DLAT: variants seen among roughly 807,000 people sequenced by gnomAD.
DLAT encodes dihydrolipoamide S-acetyltransferase.
In DLAT, 43 loss-of-function variants were observed where a neutral mutation model predicts 68.0. The ratio of observed to expected loss-of-function variants is 0.63; its 90% confidence interval spans 0.50 to 0.81. The LOEUF (loss-of-function observed/expected upper bound fraction) is 0.81, where lower values mean the gene tolerates loss of function less well. DLAT is among the 40% of genes least tolerant of loss of function. DLAT has a pLI of 0.00. For synonymous variants in DLAT, 265 were observed against 288.6 expected (o/e 0.92, Z 0.83); for missense variants, 745 against 815.4 (o/e 0.91, Z 1.05).
rs1257020998 is a variant in DLAT at position 112,048,282 on chromosome 11, C to A, written c.1398+2312C>A. Among the ~76,000 whole-genome samples the A allele has an allele frequency of 8.6e-5, 13 of 151,980 alleles. 1 individual carries two copies. On this transcript the variant is annotated intron_variant, in intron 10 of 13. Transcript: ENST00000280346. ...TGGCTCTCTGTTTGTCTGTTATTGG[C>A]GTGTAGGAATGCTTGTGATTTTTGC...
At position 112,026,326 on chromosome 11, in the gene DLAT, A is replaced by T. The variant is rs1974426; in HGVS notation, c.381+27A>T. 479,287 of 1,176,588 alleles carry T rather than the reference A, an allele frequency of 0.41. 98,201 individuals are homozygous for T. The highest frequency in any genetic ancestry group is 0.57 in the East Asian group (19,806 of 34,974). The allele number at this position is 1,176,588 out of a possible 1,614,324, so 72.9% of individuals were successfully genotyped here. A position where few individuals can be genotyped will look rare whatever the true frequency, so the allele number is the denominator to read the frequency against. The stretch of plus-strand genomic sequence containing the variant: ...TAAGTTTTTTTTTTTTTTTTTAATT[A>T]ATTTATTTATTTTTTTTATTGATCA... On this transcript the variant is annotated intron_variant, in intron 2 of 13. Coordinates refer to ENST00000280346, the MANE Select transcript of DLAT (RefSeq NM_001931.5).
chr11:112,058,465 A>G lies in DLAT; in HGVS notation c.1515-1438A>G, dbSNP rs1277331573. On this transcript the variant is annotated intron_variant, in intron 11 of 13. Coordinates refer to ENST00000280346, the MANE Select transcript of DLAT (RefSeq NM_001931.5). ...GGAGCTTGTGCCTAGAAAGAGCTGGAGTTCTTTGGAGGCAGAGCTGTGCCT... is the reference window on the plus strand; with the variant it reads ...GGAGCTTGTGCCTAGAAAGAGCTGGGGTTCTTTGGAGGCAGAGCTGTGCCT... 2.0e-5 allele frequency among the ~76,000 whole-genome samples: 3 copies of G among 152,160 alleles called. No individual in the cohort carries two copies. In the East Asian group the frequency reaches 5.8e-4, roughly 29 times the overall value.
At chr11:112,028,691 T>C (rs888607150) in intron 3 of DLAT, 52 bp downstream of exon 3, 2 of 1,614,174 alleles carry the variant, frequency 1.2e-6, no homozygotes, top group Non-Finnish European at 1.7e-6. Flanking sequence ...TGGAGTATTT[T>C]ACCCAGAATT....
chr11:112,037,239 T>C, intron 5 of DLAT, 34 bp from the exon 6 acceptor site: 1 of 1,594,080 alleles, frequency 6.3e-7, no homozygotes, highest in Non-Finnish European at 8.6e-7. Flanking sequence ...GTGGAATCTC[T>C]TAAGTCCCAT....
At chr11:112,031,407 G>A (rs587693138) in intron 4 of DLAT, among the ~76,000 whole-genome samples, 277 of 152,120 alleles carry the variant, frequency 1.8e-3, no homozygotes, top group African/African-American at 6.4e-3. Flanking sequence ...TTTACCCCTG[G>A]TTTTTTATTT....
Position 112,060,034 on chromosome 11 carries a change from G to A in DLAT, c.1646G>A (p.Arg549Lys). 1 of 1,613,978 alleles carries A rather than the reference G, an allele frequency of 6.2e-7. No individual in the cohort carries two copies. The highest frequency in any genetic ancestry group is 8.5e-7 in the Non-Finnish European group (1 of 1,179,958). ...GTTGTTTCTTTAGCAACCAAAGCAA[G>A]AGAGGGTAAACTACAGCCACATGAA... ...NDVVSLATKA[R>K]EGKLQPHEFQ... Residue 549 changes from arginine (R) to lysine (K), a missense_variant, in exon 12 of 14, where the codon AGA becomes AAA. By Grantham distance (26) the Arg-to-Lys change is conservative. Coordinates refer to ENST00000280346, the MANE Select transcript of DLAT (RefSeq NM_001931.5).
At position 112,025,450 on chromosome 11, in the gene DLAT, G is replaced by C. The variant is rs772384454; in HGVS notation, c.-23G>C. On this transcript the variant is annotated 5_prime_UTR_variant, in exon 1 of 14. Transcript: ENST00000280346. ...CACTCCGGAGACGGCGTTGGTTTTG[G>C]GGTGTGGGGGGTTGGTGGCACTATG... 6.2e-7 allele frequency: 1 copy of C among 1,606,482 alleles called. No homozygotes were observed. Among genetic ancestry groups the C allele is most frequent in the African/African-American group, 1.3e-5 (1 of 74,980 alleles).
At position 112,028,851 on chromosome 11, in the gene DLAT, C is replaced by G. The variant is rs145146632; in HGVS notation, c.566C>G (p.Pro189Arg). 4 of 1,614,076 alleles carry G rather than the reference C, an allele frequency of 2.5e-6. No homozygotes were observed. The highest frequency in any genetic ancestry group is 2.7e-5 in the African/African-American group (2 of 74,922). The change falls in exon 4 of 14, where the codon CCA (proline) becomes CGA (arginine). Residue 189 changes from proline (P) to arginine (R), a missense_variant. Coordinates refer to ENST00000280346, the MANE Select transcript of DLAT (RefSeq NM_001931.5). ...CTGGATTCCTCAGCAGCACCTACCC[C>G]ACAAGCGGCCCCAGCACCAACCCCT... is the stretch of plus-strand genomic sequence containing the variant. ...YTLDSSAAPT[P>R]QAAPAPTPAA...
intron 12 of DLAT, 64 bp from the exon 13 acceptor site, chr11:112,060,974 A>G (rs1371292207): frequency 1.5e-5 from 22 of 1,448,100 alleles, no homozygotes; most frequent in Middle Eastern, 2.0e-4. Context: ...TTCACAGAAC[A>G]TTTGTCAAGT....
intron 10 of DLAT, among the ~76,000 whole-genome samples, chr11:112,048,612 C>T (rs1247066041): frequency 1.3e-5 from 2 of 152,154 alleles, no homozygotes; most frequent in African/African-American, 2.4e-5. Context: ...TGGCTTACTG[C>T]AACCTCCACC....
intron 10 of DLAT, among the ~76,000 whole-genome samples, chr11:112,049,952 A>G (rs985088078): frequency 6.6e-6 from 1 of 152,214 alleles, no homozygotes; most frequent in Non-Finnish European, 1.5e-5. Flanking sequence ...AGAAGTGAAC[A>G]TCTTGTCTTG....
chr11:112,028,558 A>G lies in DLAT; in HGVS notation c.425A>G (p.Glu142Gly), dbSNP rs782039743. 1.9e-6 allele frequency: 3 copies of G among 1,613,902 alleles called. No homozygotes were observed. Among genetic ancestry groups the G allele is most frequent in the Admixed American group, 1.7e-5 (1 of 59,990 alleles). ...ACTGTTGGATTTGAGAGCCTGGAGG[A>G]GTGTTATATGGCAAAGATACTTGTT... ...KATVGFESLE[E>G]CYMAKILVAE... Residue 142 changes from glutamate to glycine, a missense_variant, in exon 3 of 14, where the codon GAG (glutamate) becomes GGG (glycine). By Grantham distance (98) the Glu-to-Gly change is moderately conservative. Transcript: ENST00000280346.
At chr11:112,049,699 T>C (rs1217198124) in intron 10 of DLAT, among the ~76,000 whole-genome samples, 1 of 151,976 alleles carries the variant, frequency 6.6e-6, no homozygotes, top group African/African-American at 2.4e-5. Flanking sequence ...TATATTGATC[T>C]TTTTTTTCAT....
At chr11:112,060,115 TA>T in intron 12 of DLAT, 50 bp downstream of exon 12, 1 of 1,520,370 alleles carries the variant, frequency 6.6e-7, no homozygotes, top group Non-Finnish European at 9.1e-7. Flanking sequence ...AAGGTTTGCA[TA>T]ATGCATTTAT....
At chr11:112,036,197 G>GTT (rs1862746394) in intron 5 of DLAT, among the ~76,000 whole-genome samples, 85 of 59,570 alleles carry the variant, frequency 1.4e-3, no homozygotes, top group African/African-American at 2.0e-3. Flanking sequence ...GTGTGTGTGT[G>GTT]TGTGTTTTTT....
intron 1 of DLAT, 97 bp downstream of exon 1, chr11:112,025,848 C>A (rs1439721099): frequency 2.0e-6 from 3 of 1,469,744 alleles, no homozygotes; most frequent in African/African-American, 2.8e-5. Flanking sequence ...GATCCTCCAC[C>A]CATTCCCAGT....
intron 10 of DLAT, among the ~76,000 whole-genome samples, chr11:112,050,160 A>G (rs1055119073): frequency 1.3e-5 from 2 of 152,230 alleles, no homozygotes; most frequent in African/African-American, 2.4e-5. Flanking sequence ...CTGTTAGGAC[A>G]TTATTACATT....
At chr11:112,058,246 A>C (rs1295859459) in intron 11 of DLAT, among the ~76,000 whole-genome samples, 2 of 152,232 alleles carry the variant, frequency 1.3e-5, no homozygotes, top group Non-Finnish European at 2.9e-5. Context: ...AGATGATTGA[A>C]CAAGCAATAT....
intron 13 of DLAT, 169 bp downstream of exon 13, chr11:112,061,343 A>G (rs1190946129): frequency 7.5e-6 from 5 of 668,356 alleles, no homozygotes; most frequent in African/African-American, 3.6e-5. Context: ...ACCTACACAC[A>G]TTATTCTGTA....
Sources: gnomAD v4.1 joint callset for allele counts (sites outside exome capture counted in the v4.1 genomes callset) on GRCh38, gnomAD v4.1.1 for gene constraint, MANE v1.5 for transcripts, NCBI Gene and HGNC (gene_info 2026-07-23, HGNC 2026-07-21) for gene names.